SVOP: variants seen among roughly 807,000 people sequenced by gnomAD.
SVOP encodes SV2 related protein, also known as synaptic vesicle 2-related protein.
In SVOP, 17 loss-of-function variants were observed where a neutral mutation model predicts 69.1. The observed-to-expected ratio is 0.25, with a 90% confidence interval of 0.17 to 0.37. The LOEUF is 0.37. Among genes scored for constraint, SVOP ranks in the 10% least tolerant of loss-of-function variants. The pLI is 1.00. For missense variants in SVOP, 435 were observed against 597.5 expected (o/e 0.73, Z 2.84); for synonymous variants, 238 against 238.6 (o/e 1.00, Z 0.02).
chr12:108,985,757 G>T (rs1169923053), intron 1 of SVOP, among the ~76,000 whole-genome samples: 1 of 152,110 alleles, frequency 6.6e-6, no homozygotes, highest in Non-Finnish European at 1.5e-5. Flanking sequence ...GTACACATTT[G>T]ATCCATGTTT....
intron 6 of SVOP, among the ~76,000 whole-genome samples, chr12:108,953,136 C>CTTTTTTTTTT: frequency 2.1e-5 from 2 of 95,784 alleles, no homozygotes; most frequent in Non-Finnish European, 4.1e-5. Context: ...ATCTAATTGA[C>CTTTTTTTTTT]TTTTTTTTTT....
chr12:108,938,469 C>CA (rs2137404465), intron 9 of SVOP, among the ~76,000 whole-genome samples: 1 of 152,338 alleles, frequency 6.6e-6, no homozygotes, highest in South Asian at 2.1e-4. Context: ...GGTTTTATTG[C>CA]ACAGCTTTTG....
chr12:108,954,456 C>T (rs192015554), intron 6 of SVOP, among the ~76,000 whole-genome samples: 118 of 152,244 alleles, frequency 7.8e-4, no homozygotes, highest in African/African-American at 2.7e-3. Context: ...AAGCTGGGGA[C>T]CCTTAAGATA....
intron 1 of SVOP, among the ~76,000 whole-genome samples, chr12:108,998,276 A>G (rs1426696991): frequency 6.6e-6 from 1 of 151,550 alleles, no homozygotes; most frequent in Non-Finnish European, 1.5e-5. Context: ...GAATAAAAAG[A>G]AATGAGCAAA....
chr12:108,961,883 T>G (rs1033290697), intron 5 of SVOP, among the ~76,000 whole-genome samples: 1 of 152,196 alleles, frequency 6.6e-6, no homozygotes, highest in Non-Finnish European at 1.5e-5. Context: ...TTTTTCTCAT[T>G]AACAAGTTTA....
intron 1 of SVOP, among the ~76,000 whole-genome samples, chr12:108,988,770 C>CTTTTTTTTTTTTTT (rs758822738): frequency 5.4e-5 from 5 of 92,158 alleles, no homozygotes; most frequent in East Asian, 3.6e-4. Context: ...TCTTTTCTCT[C>CTTTTTTTTTTTTTT]TTTTTTTTTT....
chr12:108,919,234 A>T (rs1251381253), intron 13 of SVOP, among the ~76,000 whole-genome samples: 1 of 136,490 alleles, frequency 7.3e-6, no homozygotes, highest in Non-Finnish European at 1.5e-5. Flanking sequence ...CCTCACCCAC[A>T]CCTGTACCTA....
At chr12:108,947,476 T>C (rs1456140338) in intron 6 of SVOP, among the ~76,000 whole-genome samples, 1 of 152,160 alleles carries the variant, frequency 6.6e-6, no homozygotes, top group Non-Finnish European at 1.5e-5. Flanking sequence ...CACCTTAGGG[T>C]TCATTCTAAA....
intron 1 of SVOP, among the ~76,000 whole-genome samples, chr12:109,006,245 G>T (rs2040306845): frequency 6.6e-6 from 1 of 152,034 alleles, no homozygotes; most frequent in Non-Finnish European, 1.5e-5. Flanking sequence ...TAGAGATGGG[G>T]TTTCACCATG....
At chr12:108,962,102 T>C (rs1259022459) in intron 5 of SVOP, among the ~76,000 whole-genome samples, 1 of 152,182 alleles carries the variant, frequency 6.6e-6, no homozygotes, top group African/African-American at 2.4e-5. Flanking sequence ...TATTTCTTTC[T>C]TATTTATTTA....
At chr12:108,932,624 C>T (rs913613091) in intron 11 of SVOP, among the ~76,000 whole-genome samples, 2 of 152,036 alleles carry the variant, frequency 1.3e-5, no homozygotes, top group African/African-American at 4.8e-5. Context: ...GCCAAGGGGA[C>T]CCCAGAGAAA....
intron 11 of SVOP, among the ~76,000 whole-genome samples, chr12:108,931,811 C>T (rs1026495077): frequency 2.7e-4 from 39 of 144,082 alleles, no homozygotes; most frequent in Non-Finnish European, 3.6e-4. Context: ...TCCAGCCTGG[C>T]GACTGAGCGA....
In SVOP at chr12:109,003,223, G is replaced by A. The variant is rs1044826058; in HGVS notation, c.35+17611C>T. 2.6e-5 allele frequency among the ~76,000 whole-genome samples: 4 copies of A among 152,236 alleles called. No individual in the cohort carries two copies. The East Asian group carries it at 7.7e-4, about 29-fold the overall frequency. ...TCTTCTGGGGAGGAGAACTGGACGG[G>A]AATGGGAAGTTTTGAGGGAAGACAC... On this transcript the variant is annotated intron_variant, in intron 1 of 15. Coordinates refer to ENST00000610966, the MANE Select transcript of SVOP (RefSeq NM_018711.5).
chr12:108,985,015 AAAG>A (rs2040159418), intron 1 of SVOP, among the ~76,000 whole-genome samples: 1 of 151,562 alleles, frequency 6.6e-6, no homozygotes, highest in Non-Finnish European at 1.5e-5. Flanking sequence ...TTGCTTGGGC[AAAG>A]GAGTTCAAGA....
intron 11 of SVOP, 59 bp downstream of exon 11, chr12:108,934,136 C>T (rs2039841590): frequency 4.8e-6 from 7 of 1,451,748 alleles, no homozygotes; most frequent in Non-Finnish European, 5.7e-6. Context: ...GTGTGCATGA[C>T]TGTGTATGTG....
chr12:108,978,478 T>C (rs2040118765), intron 3 of SVOP, 100 bp downstream of exon 3: 3 of 601,974 alleles, frequency 5.0e-6, no homozygotes, highest in Admixed American at 5.9e-5. Flanking sequence ...AAAGGCTCCA[T>C]GTGCAAAGAA....
rs542085745 is a variant in SVOP at position 108,914,277 on chromosome 12, A to G, written c.1440+1506T>C. On this transcript the variant is annotated intron_variant, in intron 15 of 15. Coordinates refer to ENST00000610966, the MANE Select transcript of SVOP (RefSeq NM_018711.5). ...TGATGAGAATGTTTTGGAACTAGAT[A>G]GAAGCAGTGGTTGCCCAACGCTGTG... 2.0e-5 allele frequency among the ~76,000 whole-genome samples: 3 copies of G among 152,356 alleles called. No homozygotes were observed. The South Asian group carries it at 6.2e-4, about 32-fold the overall frequency.
chr12:108,922,343 G>A (rs757549097), intron 12 of SVOP, among the ~76,000 whole-genome samples: 4 of 152,182 alleles, frequency 2.6e-5, no homozygotes, highest in Admixed American at 6.5e-5. Flanking sequence ...TAGCCTCCAC[G>A]TGGGTCCTTC....
At chr12:108,949,350 A>C (rs1453522611) in intron 6 of SVOP, among the ~76,000 whole-genome samples, 2 of 151,924 alleles carry the variant, frequency 1.3e-5, no homozygotes, top group Non-Finnish European at 2.9e-5. Context: ...GGCTCACTGC[A>C]ACCTCTGCCT....
Sources: allele counts gnomAD v4.1 joint callset (sites outside exome capture counted in the v4.1 genomes callset), GRCh38; gene constraint gnomAD v4.1.1; transcripts MANE v1.5; gene names NCBI Gene and HGNC (gene_info 2026-07-23, HGNC 2026-07-21).